The following TMEM131L variants were observed in gnomAD, a reference collection of about 807,000 sequenced individuals.
TMEM131L encodes transmembrane protein 131-like.
TMEM131L carries 54 observed loss-of-function variants against 192.2 expected under a neutral mutation model. The ratio of observed to expected loss-of-function variants is 0.28; its 90% CI spans 0.23 to 0.35. TMEM131L has a LOEUF of 0.35. Among genes scored for constraint, TMEM131L ranks in the 10% least tolerant of loss-of-function variants. TMEM131L has a pLI of 1.00. For synonymous variants in TMEM131L, 701 were observed against 704.9 expected, an observed-to-expected ratio of 0.99 and a Z score of 0.09; for missense variants, 1,888 against 1,972.9, an observed-to-expected ratio of 0.96 and a Z score of 0.82.
chr4:153,530,765 G>A (rs1041360159), intron 3 of TMEM131L, among the ~76,000 whole-genome samples: 9 of 152,124 alleles, frequency 5.9e-5, no homozygotes, highest in African/African-American at 1.7e-4. Context: ...TCTTAGGATC[G>A]CAGCTGAGAG....
Position 153,584,916 on chromosome 4 carries a change from C to G in TMEM131L, c.1142C>G (p.Ser381Cys), listed in dbSNP as rs780794332. The G allele has an allele frequency of 2.5e-6, 4 of 1,613,262 alleles. No individual in the cohort carries two copies. Among genetic ancestry groups the G allele is most frequent in the African/African-American group, 1.3e-5 (1 of 74,920 alleles). ...CCAACACTAAAAGCATGCCTCTTCTCTTCTGTGGCTCAGGGGTAGGTTACT... is the reference window on the plus strand; with the variant it reads ...CCAACACTAAAAGCATGCCTCTTCTGTTCTGTGGCTCAGGGGTAGGTTACT... Reference protein sequence around the residue: ...HTPTLKACLFSSVAQGYFRMD... With the variant: ...HTPTLKACLFCSVAQGYFRMD... Residue 381 changes from serine to cysteine, a missense_variant, in exon 12 of 35, where the codon TCT becomes TGT. Physicochemically the swap from Ser to Cys is moderately radical, Grantham distance 112 (BLOSUM62 -1). Coordinates refer to ENST00000409959, the MANE Select transcript of TMEM131L (RefSeq NM_001131007.2).
At chr4:153,577,741 G>A (rs1482439336) in intron 7 of TMEM131L, among the ~76,000 whole-genome samples, 2 of 152,294 alleles carry the variant, frequency 1.3e-5, no homozygotes, top group South Asian at 4.1e-4. Context: ...TTTGAGGAGA[G>A]TATGAGAAGC....
At chr4:153,522,430 A>T (rs1338920078) in intron 3 of TMEM131L, among the ~76,000 whole-genome samples, 1 of 152,150 alleles carries the variant, frequency 6.6e-6, no homozygotes, top group African/African-American at 2.4e-5. Context: ...GGAGACCGGG[A>T]TGGAAGTAAA....
chr4:153,493,130 A>G (rs1298248886), intron 3 of TMEM131L, among the ~76,000 whole-genome samples: 1 of 151,808 alleles, frequency 6.6e-6, no homozygotes, highest in Non-Finnish European at 1.5e-5. Flanking sequence ...GTGGGTCACA[A>G]GGTCAGGAGA....
At chr4:153,627,577 C>T (rs759731130) in intron 30 of TMEM131L, 28 bp from the exon 31 acceptor site, 11 of 1,571,414 alleles carry the variant, frequency 7.0e-6, no homozygotes, top group Admixed American at 3.4e-5. Flanking sequence ...AAAAATGAGT[C>T]GTTCCTCCTT....
chr4:153,614,252 G>A (rs1732820820), intron 26 of TMEM131L, among the ~76,000 whole-genome samples: 1 of 152,162 alleles, frequency 6.6e-6, no homozygotes, highest in African/African-American at 2.4e-5. Flanking sequence ...AGGTCGGAAG[G>A]CCATTGAATG....
In TMEM131L at chr4:153,525,080, A is replaced by G. The variant is rs575646253; in HGVS notation, c.240-24993A>G. 2.6e-5 allele frequency among the ~76,000 whole-genome samples: 4 copies of G among 152,334 alleles called. No individual in the cohort carries two copies. In the East Asian group the frequency reaches 7.7e-4, roughly 29 times the overall value. On this transcript the variant is annotated intron_variant, in intron 3 of 34. Transcript: ENST00000409959. ...CATACGTAATGATGCTGAGTGTAAT[A>G]GCACACTGTCCAGGTATTTGACAGG...
chr4:153,569,126 G>A (rs1161166589), intron 7 of TMEM131L, among the ~76,000 whole-genome samples: 1 of 152,172 alleles, frequency 6.6e-6, no homozygotes, highest in African/African-American at 2.4e-5. Context: ...CAAGGAGAGA[G>A]GAAGGCTTGG....
intron 3 of TMEM131L, among the ~76,000 whole-genome samples, chr4:153,487,948 A>G (rs980102990): frequency 1.3e-5 from 2 of 149,950 alleles, no homozygotes; most frequent in East Asian, 2.0e-4. Context: ...GACAGGGACA[A>G]AGAGAGAGAC....
At position 153,467,207 on chromosome 4, in the gene TMEM131L, G is replaced by A; in HGVS notation, c.125-4G>A. ...ACGTGGTGTATTTTTTGGTGTTCCT[G>A]CAGCGATTGAGCCGTTGCCGAACGT... On this transcript the variant is annotated splice_region_variant and splice_polypyrimidine_tract_variant and intron_variant, in intron 1 of 34. Transcript: ENST00000409959. 5 of 1,551,726 alleles carry A rather than the reference G, an allele frequency of 3.2e-6. No individual in the cohort carries two copies. The highest frequency in any genetic ancestry group is 4.4e-6 in the Non-Finnish European group (5 of 1,146,950).
chr4:153,521,616 C>A (rs1735117228), intron 3 of TMEM131L, among the ~76,000 whole-genome samples: 1 of 152,100 alleles, frequency 6.6e-6, no homozygotes, highest in African/African-American at 2.4e-5. Context: ...CTATCGCCAC[C>A]ATCCGTCTCC....
At chr4:153,588,804 A>G in intron 15 of TMEM131L, 86 bp from the exon 16 acceptor site, 1 of 727,892 alleles carries the variant, frequency 1.4e-6, no homozygotes, top group Non-Finnish European at 2.4e-6. Context: ...TCAGTTTAAG[A>G]AGTTTAATAT....
chr4:153,494,989 A>G (rs963115329), intron 3 of TMEM131L, among the ~76,000 whole-genome samples: 8 of 152,322 alleles, frequency 5.3e-5, no homozygotes, highest in African/African-American at 7.2e-5. Flanking sequence ...TCTGAACCCA[A>G]AATATCTGAG....
intron 19 of TMEM131L, among the ~76,000 whole-genome samples, chr4:153,594,923 A>G (rs919338433): frequency 2.6e-5 from 4 of 152,182 alleles, no homozygotes; most frequent in Admixed American, 6.5e-5. Context: ...ATCTTGCCTC[A>G]CTGGTATTGA....
intron 3 of TMEM131L, among the ~76,000 whole-genome samples, chr4:153,517,442 A>C (rs1379739476): frequency 6.6e-6 from 1 of 152,032 alleles, no homozygotes; most frequent in Non-Finnish European, 1.5e-5. Context: ...GTTTTTTATT[A>C]AGTCTTCAGA....
chr4:153,551,571 G>A (rs1440052022), intron 4 of TMEM131L, among the ~76,000 whole-genome samples: 2 of 151,982 alleles, frequency 1.3e-5, no homozygotes, highest in East Asian at 3.9e-4. Flanking sequence ...GGCCAGGCTA[G>A]TCTCAAACTC....
intron 3 of TMEM131L, among the ~76,000 whole-genome samples, chr4:153,549,605 G>A (rs1737455389): frequency 6.6e-6 from 1 of 152,196 alleles, no homozygotes; most frequent in Non-Finnish European, 1.5e-5. Flanking sequence ...GTGAGATTGT[G>A]TATGATTGTT....
In TMEM131L at chr4:153,597,072, T is replaced by C. The variant is rs894740597; in HGVS notation, c.2123+687T>C. 4.6e-5 allele frequency among the ~76,000 whole-genome samples: 7 copies of C among 152,156 alleles called. No individual in the cohort carries two copies. In the South Asian group the frequency reaches 6.2e-4, roughly 14 times the overall value. ...ATTTGAGTTATTTTTTCAAAACTTG[T>C]AGTATCAGATCACCTGGCAAAAAAT... On this transcript the variant is annotated intron_variant, in intron 20 of 34. Coordinates refer to ENST00000409959, the MANE Select transcript of TMEM131L (RefSeq NM_001131007.2).
rs759715160 is a variant in TMEM131L at position 153,584,851 on chromosome 4, C to T, written c.1077C>T (p.Asp359=). 2 of 1,613,544 alleles carry T rather than the reference C, an allele frequency of 1.2e-6. No homozygotes were observed. Among genetic ancestry groups the T allele is most frequent in the South Asian group, 1.1e-5 (1 of 91,068 alleles). Residue 359 remains aspartate (D), a synonymous_variant, in exon 12 of 35, where the codon GAC becomes GAT. Transcript: ENST00000409959. ...ACCACAAAGCAGCTACATCATGTGA[C>T]AGTGGAATTATAGAAGATGTGAAGA... ...SFTCKAATSC[D]SGIIEDVKKT...
Sources: gnomAD v4.1 joint callset for allele counts (sites outside exome capture counted in the v4.1 genomes callset) on GRCh38, gnomAD v4.1.1 for gene constraint, MANE v1.5 for transcripts, NCBI Gene and HGNC (gene_info 2026-07-23, HGNC 2026-07-21) for gene names.